Variants in TNRC6A observed in about 807,000 individuals in gnomAD.
TNRC6A encodes the protein trinucleotide repeat containing adaptor 6A, also known as trinucleotide repeat-containing gene 6A protein.
In TNRC6A, 44 loss-of-function variants were observed where a neutral mutation model predicts 221.2. That is an observed-to-expected ratio of 0.20 (90% CI 0.16 to 0.26). TNRC6A has a LOEUF of 0.26. TNRC6A is among the 10% of genes least tolerant of loss of function. The pLI is 1.00. For missense variants in TNRC6A, 2,199 were observed against 2,404.4 expected, an observed-to-expected ratio of 0.91 and a Z score of 1.79; for synonymous variants, 847 against 838.5, an observed-to-expected ratio of 1.01 and a Z score of -0.18.
In TNRC6A at chr16:24,790,065, C is replaced by A. The variant is rs775505309; in HGVS notation, c.1423C>A (p.Leu475Met). ...CTCCGGTTCAGTGCAGAATAATGAG[C>A]TGCCTAGTAGTAACACAGGGGCCTG... ...PNSGSVQNNE[L>M]PSSNTGAWRV... Residue 475 changes from leucine to methionine, a missense_variant, in exon 6 of 25, where the codon CTG (leucine) becomes ATG (methionine). This residue lies in a region of TNRC6A where 1,405 missense variants were observed against 1,400.2 expected (regional missense o/e 1.00). Transcript: ENST00000395799. 1.2e-6 allele frequency: 2 copies of A among 1,614,224 alleles called. No homozygotes were observed. The highest frequency in any genetic ancestry group is 1.7e-6 in the Non-Finnish European group (2 of 1,180,040).
chr16:24,748,456 T>C (rs1345678181), intron 2 of TNRC6A, among the ~76,000 whole-genome samples: 1 of 152,142 alleles, frequency 6.6e-6, no homozygotes, highest in Non-Finnish European at 1.5e-5. Context: ...GAGTGAGTCA[T>C]GGCCACAGTT....
At chr16:24,701,880 C>A (rs1045883115) in intron 2 of TNRC6A, among the ~76,000 whole-genome samples, 2 of 152,088 alleles carry the variant, frequency 1.3e-5, no homozygotes, top group African/African-American at 4.8e-5. Flanking sequence ...AAGGTTAATT[C>A]TTCCACATGG....
chr16:24,738,034 C>T (rs976147862), intron 2 of TNRC6A, among the ~76,000 whole-genome samples: 3 of 152,170 alleles, frequency 2.0e-5, no homozygotes, highest in African/African-American at 7.2e-5. Context: ...AAGATAGGGT[C>T]ATAAAATGTG....
At chr16:24,777,577 G>A (rs1241944382) in intron 5 of TNRC6A, among the ~76,000 whole-genome samples, 3 of 152,130 alleles carry the variant, frequency 2.0e-5, no homozygotes, top group African/African-American at 7.2e-5. Flanking sequence ...TCTCCCTTCA[G>A]GTTCTGCCCA....
intron 2 of TNRC6A, among the ~76,000 whole-genome samples, chr16:24,739,363 A>G (rs907946446): frequency 3.3e-5 from 5 of 152,040 alleles, no homozygotes; most frequent in African/African-American, 9.7e-5. Flanking sequence ...TCCCATCTTT[A>G]AATTAGGTGA....
chr16:24,741,112 T>A (rs2056881884), intron 2 of TNRC6A, among the ~76,000 whole-genome samples: 1 of 152,228 alleles, frequency 6.6e-6, no homozygotes, highest in African/African-American at 2.4e-5. Context: ...CAGTTTTACA[T>A]CTTCTTTTCC....
intron 4 of TNRC6A, among the ~76,000 whole-genome samples, chr16:24,771,520 T>TTATGTTA (rs1425357283): frequency 3.7e-5 from 3 of 80,576 alleles, no homozygotes; most frequent in Non-Finnish European, 7.0e-5. Context: ...CTGGTGCATG[T>TTATGTTA]TATGTTATGT....
intron 1 of TNRC6A, among the ~76,000 whole-genome samples, chr16:24,620,597 C>T (rs1900616352): frequency 6.6e-6 from 1 of 151,282 alleles, no homozygotes; most frequent in Non-Finnish European, 1.5e-5. Context: ...TACCTGAAAT[C>T]AGGAGTTCGA....
chr16:24,775,033 G>T (rs1484498338), intron 4 of TNRC6A, among the ~76,000 whole-genome samples: 1 of 152,164 alleles, frequency 6.6e-6, no homozygotes, highest in Non-Finnish European at 1.5e-5. Flanking sequence ...GGCACACATG[G>T]ATGTGGAGGG....
At chr16:24,663,048 T>C (rs1035175470) in intron 2 of TNRC6A, 3 of 153,750 alleles carry the variant, frequency 2.0e-5, no homozygotes, top group Non-Finnish European at 4.4e-5. Context: ...ATGATCTCAG[T>C]GTGTTCAGAA....
In TNRC6A at chr16:24,802,795, C is replaced by T. The variant is rs1394246669; in HGVS notation, c.3695-1382C>T. Among the ~76,000 whole-genome samples, 6 of 152,076 alleles carry T rather than the reference C, an allele frequency of 3.9e-5. No individual in the cohort carries two copies. The South Asian group carries it at 6.2e-4, about 16-fold the overall frequency. Reference sequence around the variant, plus strand: ...AGTATCCCAGCATTGAAGAAGCACCCGAGGTGAGCTCAGCATGGGTAGAGG... The same window carrying T: ...AGTATCCCAGCATTGAAGAAGCACCTGAGGTGAGCTCAGCATGGGTAGAGG... On this transcript the variant is annotated intron_variant, in intron 11 of 24. Transcript: ENST00000395799.
At chr16:24,661,352 A>G (rs79945110) in intron 2 of TNRC6A, 79 of 151,884 alleles carry the variant, frequency 5.2e-4, no homozygotes, top group African/African-American at 1.8e-3. Context: ...TTTGTTTTCA[A>G]CCAAAGTCAG....
Position 24,823,318 on chromosome 16 carries a change from C to G in TNRC6A, c.5514-114C>G, listed in dbSNP as rs2058805851. ...CGCAGGTTATGTGGTGTAGTCTCTC[C>G]CTCTGTGCCTTCTGTGGCTTTTCTA... On this transcript the variant is annotated intron_variant, in intron 24 of 24. Transcript: ENST00000395799. This position sits in a 1 kb window ranked among gnomAD's most constrained non-coding sequence, Gnocchi z 4.3. 7.5e-7 allele frequency: 1 copy of G among 1,327,870 alleles called. No homozygotes were observed. Among genetic ancestry groups the G allele is most frequent in the Admixed American group, 2.2e-5 (1 of 46,192 alleles). 82.3% of individuals were successfully genotyped at this position (1,327,870 alleles called of 1,614,324 possible). A position where few individuals can be genotyped will look rare whatever the true frequency, so the allele number is the denominator to read the frequency against.
At chr16:24,742,386 G>A (rs2056910464) in intron 2 of TNRC6A, among the ~76,000 whole-genome samples, 1 of 152,204 alleles carries the variant, frequency 6.6e-6, no homozygotes, top group Non-Finnish European at 1.5e-5. Flanking sequence ...GGAAATGCTT[G>A]TTTGAATAGA....
intron 2 of TNRC6A, chr16:24,664,857 G>A (rs1217151261): frequency 2.2e-6 from 1 of 454,042 alleles, no homozygotes; most frequent in East Asian, 7.0e-5. Flanking sequence ...AATGAAGGTC[G>A]AGTTTTGCAT....
intron 4 of TNRC6A, among the ~76,000 whole-genome samples, chr16:24,773,518 G>A (rs1049170031): frequency 7.2e-5 from 11 of 152,208 alleles, no homozygotes; most frequent in African/African-American, 2.6e-4. Context: ...CTGCTGTATG[G>A]CATGCATGTG....
intron 22 of TNRC6A, among the ~76,000 whole-genome samples, chr16:24,820,991 A>G (rs1175289987): frequency 6.6e-6 from 1 of 152,220 alleles, no homozygotes; most frequent in Admixed American, 6.5e-5. Context: ...ACTACCAAAC[A>G]TTCCCATCTT....
chr16:24,612,008 C>T lies in TNRC6A; in HGVS notation n.276+1524C>T, dbSNP rs980252445. Among the ~76,000 whole-genome samples, 42 of 152,230 alleles carry T rather than the reference C, an allele frequency of 2.8e-4. 2 individuals carry two copies. Among genetic ancestry groups the T allele is most frequent in the Middle Eastern group, 3.4e-3 (1 of 294 alleles). ...ACTCGAGAGGCTGAGGCACGAGAAT[C>T]GCTTGAGCCCAGGAGGCAGAAGTTG... On this transcript the variant is annotated intron_variant and non_coding_transcript_variant, in intron 1 of 2. Coordinates refer to the TNRC6A transcript ENST00000566108.
Position 24,809,474 on chromosome 16 carries a change from C to G in TNRC6A, c.4665C>G (p.Ser1555Arg). Reference protein sequence around the residue: ...SVNTSLDQNSSKHGAISSGFR... With the variant: ...SVNTSLDQNSRKHGAISSGFR... Reference sequence around the variant, plus strand: ...ACACATCTTTGGATCAAAACTCCAGCAAACATGGTACAAAAGATACATCTT... The same window carrying G: ...ACACATCTTTGGATCAAAACTCCAGGAAACATGGTACAAAAGATACATCTT... Residue 1555 changes from serine to arginine, a missense_variant, in exon 18 of 25, where the codon AGC becomes AGG. This residue lies in a region of TNRC6A where 449 missense variants were observed against 579.7 expected (regional missense o/e 0.77). Transcript: ENST00000395799. 6.9e-7 allele frequency: 1 copy of G among 1,458,194 alleles called. No homozygotes were observed. The highest frequency in any genetic ancestry group is 9.0e-7 in the Non-Finnish European group (1 of 1,106,080). The allele number at this position is 1,458,194 out of a possible 1,614,324, so 90.3% of individuals were successfully genotyped here. A position where few individuals can be genotyped will look rare whatever the true frequency, so the allele number is the denominator to read the frequency against.
Sources: allele counts gnomAD v4.1 joint callset (sites outside exome capture counted in the v4.1 genomes callset), GRCh38; gene constraint gnomAD v4.1.1; regional missense constraint gnomAD v4.1.1; non-coding constraint Gnocchi (gnomAD v3.1); transcripts MANE v1.5; gene names NCBI Gene and HGNC (gene_info 2026-07-23, HGNC 2026-07-21).